Variants in OVOL1 observed in about 807,000 individuals in gnomAD.
OVOL1 encodes the protein putative transcription factor Ovo-like 1.
OVOL1 carries 10 observed loss-of-function variants against 21.5 expected under a neutral mutation model. The ratio of observed to expected loss-of-function variants is 0.46; its 90% CI spans 0.29 to 0.79. The LOEUF is 0.79. Ranked by LOEUF, OVOL1 falls within the 30% of genes least tolerant of loss-of-function variation. The probability of loss-of-function intolerance (pLI) is 0.10; values close to 1 mark genes in which losing one functional copy is unlikely to be tolerated. For missense variants in OVOL1, 279 were observed against 362.3 expected, an observed-to-expected ratio of 0.77 and a Z score of 1.87; for synonymous variants, 129 against 150.3, an observed-to-expected ratio of 0.86 and a Z score of 1.03.
Position 65,793,444 on chromosome 11 carries a change from G to A in OVOL1, c.101-587G>A, listed in dbSNP as rs148983194. Reference sequence around the variant, plus strand: ...ACCTCCTCCCTGTTCCACCCACCTGGCCTGTTTCCCTGCAGAGCTGGGACC... The same window carrying A: ...ACCTCCTCCCTGTTCCACCCACCTGACCTGTTTCCCTGCAGAGCTGGGACC... On this transcript the variant is annotated intron_variant, in intron 1 of 3. Coordinates refer to ENST00000335987, the MANE Select transcript of OVOL1 (RefSeq NM_004561.4). Among the ~76,000 whole-genome samples the A allele has an allele frequency of 2.6e-5, 4 of 152,306 alleles. No homozygotes were observed. In the East Asian group the frequency reaches 7.7e-4, roughly 29 times the overall value.
intron 1 of OVOL1, among the ~76,000 whole-genome samples, chr11:65,791,502 C>G (rs1473922496): frequency 6.6e-6 from 1 of 152,232 alleles, no homozygotes; most frequent in African/African-American, 2.4e-5. Context: ...CAGCCCTGTC[C>G]TGAGGCCTTG....
intron 1 of OVOL1, chr11:65,790,332 A>G (rs1047399777): frequency 6.6e-6 from 1 of 152,070 alleles, no homozygotes; most frequent in African/African-American, 2.4e-5. Context: ...CAGGCCTCCC[A>G]CCACTGCTTC....
At position 65,795,900 on chromosome 11, in the gene OVOL1, C is replaced by T. The variant is rs1858123128; in HGVS notation, c.*559C>T. On this transcript the variant is annotated 3_prime_UTR_variant, in exon 4 of 4. Transcript: ENST00000335987. This position sits in a 1 kb window ranked among gnomAD's most constrained non-coding sequence, Gnocchi z 5.7. ...GGCAAGGAGAGGCACACATGTGTGC[C>T]CAGCCGTGTGTGTGCGTGTGCTTGT... is the stretch of plus-strand genomic sequence containing the variant. 1 of 171,440 alleles carries T rather than the reference C, an allele frequency of 5.8e-6. No homozygotes were observed. Among genetic ancestry groups the T allele is most frequent in the African/African-American group, 2.4e-5 (1 of 42,166 alleles). 10.6% of individuals were successfully genotyped at this position (171,440 alleles called of 1,614,324 possible).
chr11:65,794,288 C>T (rs1381355453), intron 2 of OVOL1, 40 bp downstream of exon 2: 2 of 1,534,456 alleles, frequency 1.3e-6, no homozygotes, highest in Non-Finnish European at 9.0e-7. Flanking sequence ...CGGGGGCGTG[C>T]ATGTAGACCT....
chr11:65,787,184 G>T lies in OVOL1; in HGVS notation c.-190G>T. On this transcript the variant is annotated 5_prime_UTR_variant, in exon 1 of 4. Coordinates refer to ENST00000335987, the MANE Select transcript of OVOL1 (RefSeq NM_004561.4). Reference sequence around the variant, plus strand: ...AGGGACCTCGTTCTCAGGGAAGACGGCGACATTCCGCGGAGGTGGAACCGC... The same window carrying T: ...AGGGACCTCGTTCTCAGGGAAGACGTCGACATTCCGCGGAGGTGGAACCGC... 1 of 477,676 alleles carries T rather than the reference G, an allele frequency of 2.1e-6. No homozygotes were observed. The highest frequency in any genetic ancestry group is 3.9e-6 in the Non-Finnish European group (1 of 255,792). 29.6% of individuals were successfully genotyped at this position (477,676 alleles called of 1,614,324 possible).
intron 1 of OVOL1, among the ~76,000 whole-genome samples, chr11:65,791,059 C>T (rs573919178): frequency 1.2e-3 from 186 of 152,218 alleles, no homozygotes; most frequent in African/African-American, 4.3e-3. Flanking sequence ...CACCCTGGCG[C>T]GAGGGCCGAG....
At position 65,795,854 on chromosome 11, in the gene OVOL1, T is replaced by G. The variant is rs1014509718; in HGVS notation, c.*513T>G. ...TGGCAGGGCTTCTAATGCTCAGGGT[T>G]CTGGAGGGCTCTGTCCTTCCGGCAA... On this transcript the variant is annotated 3_prime_UTR_variant, in exon 4 of 4. Transcript: ENST00000335987. This position sits in a 1 kb window ranked among gnomAD's most constrained non-coding sequence, Gnocchi z 5.7. 2 of 187,334 alleles carry G rather than the reference T, an allele frequency of 1.1e-5. No homozygotes were observed. Among genetic ancestry groups the G allele is most frequent in the African/African-American group, 2.3e-5 (1 of 43,018 alleles). 11.6% of individuals were successfully genotyped at this position (187,334 alleles called of 1,614,324 possible).
At chr11:65,793,755 G>T in intron 1 of OVOL1, 1 of 524,548 alleles carries the variant, frequency 1.9e-6, no homozygotes, top group Non-Finnish European at 3.4e-6. Flanking sequence ...AAACTCCGGA[G>T]GGATAATTGG....
chr11:65,793,911 C>A (rs909232977), intron 1 of OVOL1, 120 bp from the exon 2 acceptor site: 10 of 733,828 alleles, frequency 1.4e-5, no homozygotes, highest in Admixed American at 1.2e-4. Flanking sequence ...CTGCTGCATG[C>A]CTGCGATGGG....
At chr11:65,793,693 G>A (rs1056200603) in intron 1 of OVOL1, 5 of 398,064 alleles carry the variant, frequency 1.3e-5, no homozygotes, top group Admixed American at 8.1e-5. Context: ...CCCTGCAGGA[G>A]AGTGGATGAG....
In OVOL1 at chr11:65,794,012, C is replaced by CT. The variant is rs761163365; in HGVS notation, c.101-18dup. 6.2e-7 allele frequency: 1 copy of CT among 1,605,220 alleles called. No individual in the cohort carries two copies. Among genetic ancestry groups the CT allele is most frequent in the South Asian group, 1.1e-5 (1 of 90,896 alleles). On this transcript the variant is annotated intron_variant, in intron 1 of 3. Coordinates refer to ENST00000335987, the MANE Select transcript of OVOL1 (RefSeq NM_004561.4). ...CTCTCTTCTCCACCAAGCCTCTCAC[C>CT]TGTCTGTTCTCTCCCCAGTCAGCCT...
intron 1 of OVOL1, among the ~76,000 whole-genome samples, chr11:65,793,193 G>A (rs1312994155): frequency 6.6e-6 from 1 of 152,222 alleles, no homozygotes; most frequent in Non-Finnish European, 1.5e-5. Context: ...GTCCTCTCTA[G>A]TCAGCACTGG....
rs953165453 is a variant in OVOL1 at position 65,794,054 on chromosome 11, C to T, written c.124C>T (p.Gln42Ter). 1 of 1,614,026 alleles carries T rather than the reference C, an allele frequency of 6.2e-7. No homozygotes were observed. The highest frequency in any genetic ancestry group is 1.7e-4 in the Middle Eastern group (1 of 6,040). Residue 42 changes from glutamine (Q) to a stop codon, truncating the protein, a stop_gained, in exon 2 of 4, where the codon CAG becomes TAG. Coordinates refer to ENST00000335987, the MANE Select transcript of OVOL1 (RefSeq NM_004561.4). LOFTEE classifies it high-confidence loss of function. The part of the protein sequence containing the change: ...VPVSLGFCPP[Q>*]PYREPEPSVA... ...AGTCAGCCTGGGCTTCTGCCCACCA[C>T]AGCCCTACCGGGAGCCGGAACCCTC...
rs1018069978 is a variant in OVOL1 at position 65,796,724 on chromosome 11, C to T, written c.*1383C>T. The T allele has an allele frequency of 1.3e-5, 2 of 152,302 alleles. No individual in the cohort carries two copies. Among genetic ancestry groups the T allele is most frequent in the Admixed American group, 1.3e-4 (2 of 15,260 alleles). The allele number at this position is 152,302 out of a possible 1,614,324, so 9.4% of individuals were successfully genotyped here. On this transcript the variant is annotated 3_prime_UTR_variant, in exon 4 of 4. Transcript: ENST00000335987. The stretch of plus-strand genomic sequence containing the variant: ...CCTTGCTGCAGCTGGGAAAGGGGTT[C>T]TGGGTGTAAAGAGGTGTGCGTCTTG...
intron 1 of OVOL1, among the ~76,000 whole-genome samples, chr11:65,793,110 T>A (rs1858055546): frequency 6.6e-6 from 1 of 152,218 alleles, no homozygotes; most frequent in Non-Finnish European, 1.5e-5. Flanking sequence ...AAATATTAAG[T>A]TGAAAAATTT....
At chr11:65,791,770 C>T (rs1858022739) in intron 1 of OVOL1, among the ~76,000 whole-genome samples, 1 of 152,240 alleles carries the variant, frequency 6.6e-6, no homozygotes, top group Non-Finnish European at 1.5e-5. Context: ...TTGCCATACT[C>T]CACAGCTGTG....
At position 65,795,523 on chromosome 11, in the gene OVOL1, T is replaced by A. The variant is rs1466311736; in HGVS notation, c.*182T>A. On this transcript the variant is annotated 3_prime_UTR_variant, in exon 4 of 4. Transcript: ENST00000335987. The surrounding 1 kb of genome is among the most constrained non-coding windows in gnomAD (Gnocchi z 5.7). ...CTCACTCAGGCCCAGCAATGACCTC[T>A]GCTCATTTTTGCATTTTTGACTTAT... 1.6e-6 allele frequency: 1 copy of A among 613,502 alleles called. No individual in the cohort carries two copies. Among genetic ancestry groups the A allele is most frequent in the Admixed American group, 2.9e-5 (1 of 34,216 alleles). 38.0% of individuals were successfully genotyped at this position (613,502 alleles called of 1,614,324 possible). A position where few individuals can be genotyped will look rare whatever the true frequency, so the allele number is the denominator to read the frequency against.
chr11:65,790,659 C>T, intron 1 of OVOL1: 1 of 152,652 alleles, frequency 6.6e-6, no homozygotes, highest in Non-Finnish European at 1.5e-5. Flanking sequence ...GAGATGTTTG[C>T]TGTGCTTGCC....
Position 65,795,100 on chromosome 11 carries a change from C to T in OVOL1, c.563C>T (p.Ser188Phe). ...LCDKAFTQRC[S>F]LESHLKKIHG... ...GACAAGGCCTTCACGCAGCGCTGCT[C>T]TCTGGAGTCTCACCTCAAGAAGATC... Residue 188 changes from serine (S) to phenylalanine (F), a missense_variant, in exon 4 of 4, where the codon TCT (serine) becomes TTT (phenylalanine). Coordinates refer to ENST00000335987, the MANE Select transcript of OVOL1 (RefSeq NM_004561.4). This position sits in a 1 kb window ranked among gnomAD's most constrained non-coding sequence, Gnocchi z 5.7. 2 of 1,613,706 alleles carry T rather than the reference C, an allele frequency of 1.2e-6. No homozygotes were observed. The highest frequency in any genetic ancestry group is 1.7e-6 in the Non-Finnish European group (2 of 1,180,022).
Sources: allele counts gnomAD v4.1 joint callset (sites outside exome capture counted in the v4.1 genomes callset), GRCh38; gene constraint gnomAD v4.1.1; non-coding constraint Gnocchi (gnomAD v3.1); transcripts MANE v1.5; gene names NCBI Gene and HGNC (gene_info 2026-07-23, HGNC 2026-07-21).